AGBL1: variants seen among roughly 807,000 people sequenced by gnomAD.
The protein encoded by AGBL1 is AGBL carboxypeptidase 1.
In AGBL1, 130 loss-of-function variants were observed where a neutral mutation model predicts 118.9. The ratio of observed to expected loss-of-function variants is 1.09; its 90% CI spans 0.95 to 1.26. AGBL1 has a LOEUF of 1.26. AGBL1 is among the 50% of genes most tolerant of loss of function. The pLI is 0.00. For missense variants in AGBL1, 1,584 were observed against 1,298.1 expected (o/e 1.22, Z -3.38); for synonymous variants, 555 against 478.9 (o/e 1.16, Z -2.08).
At chr15:86,413,765 G>T (rs1051675794) in intron 18 of AGBL1, among the ~76,000 whole-genome samples, 21 of 151,916 alleles carry the variant, frequency 1.4e-4, no homozygotes, top group African/African-American at 4.8e-4. Context: ...TGTAAATTCT[G>T]GATATTAGTC....
intron 21 of AGBL1, among the ~76,000 whole-genome samples, chr15:86,598,822 G>A (rs1349152158): frequency 3.3e-5 from 5 of 152,110 alleles, no homozygotes; most frequent in Admixed American, 2.0e-4. Context: ...TTGTTGTTCT[G>A]TAGACAGTGA....
rs139018831 is a variant in AGBL1 at position 86,538,340 on chromosome 15, G to A, written c.2686-7662G>A. 1.9e-4 allele frequency among the ~76,000 whole-genome samples: 29 copies of A among 152,336 alleles called. No homozygotes were observed. In the East Asian group the frequency reaches 5.6e-3, roughly 29 times the overall value. The stretch of plus-strand genomic sequence containing the variant: ...GGAATAAATTCTGCATGTGCCTAAT[G>A]TGGTTAACCTCAGCTAGGACTGGAT... On this transcript the variant is annotated intron_variant, in intron 19 of 22. Transcript: ENST00000614907.
intron 17 of AGBL1, among the ~76,000 whole-genome samples, chr15:86,355,308 C>A (rs2080695740): frequency 6.6e-6 from 1 of 152,164 alleles, no homozygotes; most frequent in Non-Finnish European, 1.5e-5. Flanking sequence ...AAGTATCATA[C>A]ACCATATAAC....
chr15:86,270,035 A>C lies in AGBL1; in HGVS notation c.1955A>C (p.Asn652Thr). The C allele has an allele frequency of 1.9e-6, 3 of 1,613,104 alleles. No individual in the cohort carries two copies. Among genetic ancestry groups the C allele is most frequent in the Non-Finnish European group, 2.5e-6 (3 of 1,179,552 alleles). Reference protein sequence around the residue: ...AAIPYHFNIINCEKPNSQFNY... With the variant: ...AAIPYHFNIITCEKPNSQFNY... ...ATCCCTTACCACTTCAACATCATCAACTGTGAGAAGCCCAACAGCCAGTTT... is the reference window on the plus strand; with the variant it reads ...ATCCCTTACCACTTCAACATCATCACCTGTGAGAAGCCCAACAGCCAGTTT... Residue 652 changes from asparagine to threonine, a missense_variant, in exon 14 of 23, where the codon AAC becomes ACC. Coordinates refer to ENST00000614907, the MANE Select transcript of AGBL1 (RefSeq NM_001386094.1).
chr15:86,083,050 G>A (rs1457089416), intron 1 of AGBL1, among the ~76,000 whole-genome samples: 2 of 152,192 alleles, frequency 1.3e-5, no homozygotes, highest in African/African-American at 2.4e-5. Context: ...TCTGAAAAGC[G>A]CTTGTAAACT....
At position 86,288,389 on chromosome 15, in the gene AGBL1, C is replaced by T. The variant is rs565758635; in HGVS notation, c.2221-6866C>T. Among the ~76,000 whole-genome samples, 36 of 152,206 alleles carry T rather than the reference C, an allele frequency of 2.4e-4. No homozygotes were observed. In the South Asian group the frequency reaches 7.3e-3, roughly 31 times the overall value. On this transcript the variant is annotated intron_variant, in intron 16 of 22. Transcript: ENST00000614907. ...TCTGTGCCATCTCTCGTGGGATACC[C>T]AGATGTCTACTTCTTATATCAGGGC...
chr15:86,821,354 AAAG>A (rs1273171124), intron 22 of AGBL1, among the ~76,000 whole-genome samples: 1 of 152,178 alleles, frequency 6.6e-6, no homozygotes, highest in Admixed American at 6.6e-5. Flanking sequence ...TAACAACAAA[AAAG>A]CATGTTAAAT....
downstream of AGBL1, among the ~76,000 whole-genome samples, chr15:86,918,712 C>G (rs1464406327): frequency 6.6e-6 from 1 of 152,126 alleles, no homozygotes. Context: ...TTACCATGGG[C>G]TGATGGTGGT....
At chr15:86,916,671 G>A (rs774672763), downstream of AGBL1, among the ~76,000 whole-genome samples, 4 of 152,316 alleles carry the variant, frequency 2.6e-5, no homozygotes, top group Admixed American at 6.5e-5. Flanking sequence ...CTGGGTCTCA[G>A]TTTCTCCATT....
At chr15:86,962,871 A>C (rs988330257) in intron 23 of AGBL1, among the ~76,000 whole-genome samples, 5 of 152,060 alleles carry the variant, frequency 3.3e-5, no homozygotes, top group Non-Finnish European at 7.4e-5. Context: ...TGTGCACAAA[A>C]AGTTTGAGAA....
chr15:86,692,160 A>C (rs1315364904), intron 22 of AGBL1, among the ~76,000 whole-genome samples: 1 of 152,022 alleles, frequency 6.6e-6, no homozygotes, highest in East Asian at 1.9e-4. Context: ...CCTGGGTGAC[A>C]CAGCAAGACT....
intron 22 of AGBL1, among the ~76,000 whole-genome samples, chr15:86,842,387 C>A (rs551354663): frequency 6.6e-6 from 1 of 152,194 alleles, no homozygotes; most frequent in Non-Finnish European, 1.5e-5. Context: ...TTGAAACCTG[C>A]TCTGTGATAT....
chr15:86,689,232 T>A (rs1412414290), intron 22 of AGBL1, among the ~76,000 whole-genome samples: 1 of 152,138 alleles, frequency 6.6e-6, no homozygotes, highest in Non-Finnish European at 1.5e-5. Flanking sequence ...CTCTTTGACA[T>A]TCAAGTCTCA....
chr15:86,957,654 T>C (rs886690982), intron 23 of AGBL1, among the ~76,000 whole-genome samples: 5 of 152,120 alleles, frequency 3.3e-5, no homozygotes, highest in African/African-American at 1.2e-4. Context: ...AAAATTTGAA[T>C]GATCTTTCAG....
rs374202116 is a variant in AGBL1 at position 86,126,796 on chromosome 15, G to A, written c.52-15208G>A. Among the ~76,000 whole-genome samples, 262 of 152,272 alleles carry A rather than the reference G, an allele frequency of 1.7e-3. 4 individuals carry two copies. The South Asian group carries it at 0.047, about 27-fold the overall frequency. On this transcript the variant is annotated intron_variant, in intron 1 of 22. Transcript: ENST00000614907. The stretch of plus-strand genomic sequence containing the variant: ...AAACTGCTTCCTGTTTAGTTGTTGC[G>A]CTGTGGTTATAATTGATACACCAAA...
At chr15:86,125,719 C>T (rs2141593795) in intron 1 of AGBL1, among the ~76,000 whole-genome samples, 1 of 152,314 alleles carries the variant, frequency 6.6e-6, no homozygotes, top group Non-Finnish European at 1.5e-5. Flanking sequence ...ATTAGTGTCC[C>T]AGCCATGTGT....
intron 23 of AGBL1, among the ~76,000 whole-genome samples, chr15:86,952,482 C>T (rs1462458498): frequency 3.3e-5 from 5 of 152,034 alleles, no homozygotes; most frequent in Non-Finnish European, 5.9e-5. Flanking sequence ...AAACTGGTAT[C>T]TTGCTACTTG....
chr15:86,089,224 G>T (rs1272875207), intron 1 of AGBL1, among the ~76,000 whole-genome samples: 2 of 152,094 alleles, frequency 1.3e-5, no homozygotes, highest in Non-Finnish European at 2.9e-5. Context: ...CTCTTGGTTT[G>T]GAAACTGGTT....
chr15:86,435,092 A>T (rs574579845), intron 18 of AGBL1, among the ~76,000 whole-genome samples: 1 of 152,352 alleles, frequency 6.6e-6, no homozygotes, highest in East Asian at 1.9e-4. Context: ...GACAACTCAG[A>T]TGGTTCTTTT....
Sources: allele counts gnomAD v4.1 joint callset (sites outside exome capture counted in the v4.1 genomes callset), GRCh38; gene constraint gnomAD v4.1.1; transcripts MANE v1.5; gene names NCBI Gene and HGNC (gene_info 2026-07-23, HGNC 2026-07-21).